ZNF333: variants seen among roughly 807,000 people sequenced by gnomAD.
The protein encoded by ZNF333 is zinc finger protein 333.
Under a neutral mutation model 76.1 loss-of-function variants are expected in ZNF333, and 61 were observed. The observed-to-expected ratio is 0.80, with a 90% CI of 0.65 to 0.99. The LOEUF (loss-of-function observed/expected upper bound fraction) is 0.99. Among genes scored for constraint, ZNF333 ranks in the 50% least tolerant of loss-of-function variants. The probability of loss-of-function intolerance (pLI) is 0.00; values close to 1 mark genes in which losing one functional copy is unlikely to be tolerated. For synonymous variants in ZNF333, 284 were observed against 305.0 expected (o/e 0.93, Z 0.72); for missense variants, 717 against 822.4 (o/e 0.87, Z 1.57).
intron 7 of ZNF333, among the ~76,000 whole-genome samples, chr19:14,711,817 A>G (rs1256240589): frequency 6.6e-6 from 1 of 152,166 alleles, no homozygotes; most frequent in Non-Finnish European, 1.5e-5. Flanking sequence ...CAAAGCTTCC[A>G]ATCCAGTGAG....
rs377177875 is a variant in ZNF333 at position 14,719,618 on chromosome 19, C to T, written c.*293C>T. 168 of 1,139,238 alleles carry T rather than the reference C, an allele frequency of 1.5e-4. No individual in the cohort carries two copies. The African/African-American group carries it at 2.4e-3, about 16-fold the overall frequency. The allele number at this position is 1,139,238 out of a possible 1,614,324, so 70.6% of individuals were successfully genotyped here. On this transcript the variant is annotated 3_prime_UTR_variant, in exon 12 of 12. Coordinates refer to ENST00000292530, the MANE Select transcript of ZNF333 (RefSeq NM_032433.4). ...GATGCATACATGCATGTAACCACCA[C>T]CCCATTCCAGATATAGAATGTTTCT...
chr19:14,698,575 C>T (rs1208763904), intron 4 of ZNF333, among the ~76,000 whole-genome samples: 1 of 151,026 alleles, frequency 6.6e-6, no homozygotes, highest in African/African-American at 2.4e-5. Context: ...ACATGTGGCT[C>T]ATGCCTGTAA....
At chr19:14,696,648 T>A (rs1426565430) in intron 4 of ZNF333, among the ~76,000 whole-genome samples, 1 of 151,400 alleles carries the variant, frequency 6.6e-6, no homozygotes, top group South Asian at 2.1e-4. Flanking sequence ...AGGCCCAGAC[T>A]GGTTTTTACA....
intron 6 of ZNF333, chr19:14,706,284 C>T (rs1028170224): frequency 4.9e-6 from 2 of 405,096 alleles, no homozygotes; most frequent in African/African-American, 2.1e-5. Flanking sequence ...CCACATCCTA[C>T]TCCAAGGAGA....
intron 11 of ZNF333, among the ~76,000 whole-genome samples, chr19:14,729,360 C>CT (rs59225167): frequency 0.024 from 3,550 of 146,848 alleles, 136 homozygotes; most frequent in African/African-American, 0.08. Context: ...AAACGATACA[C>CT]TTTTTTTTTT....
intron 5 of ZNF333, among the ~76,000 whole-genome samples, chr19:14,703,350 C>A (rs910292980): frequency 1.1e-4 from 16 of 152,078 alleles, no homozygotes; most frequent in African/African-American, 3.9e-4. Flanking sequence ...AACTACAATT[C>A]AAGATGAGAT....
At position 14,719,499 on chromosome 19, in the gene ZNF333, TTTCAAAACTAATATGTG is replaced by T; in HGVS notation, c.*175_*191del. 9.1e-7 allele frequency: 1 copy of T among 1,101,354 alleles called. No individual in the cohort carries two copies. The highest frequency in any genetic ancestry group is 2.7e-5 in the East Asian group (1 of 37,422). The allele number at this position is 1,101,354 out of a possible 1,614,324, so 68.2% of individuals were successfully genotyped here. A position where few individuals can be genotyped will look rare whatever the true frequency, so the allele number is the denominator to read the frequency against. On this transcript the variant is annotated 3_prime_UTR_variant, in exon 12 of 12. Coordinates refer to ENST00000292530, the MANE Select transcript of ZNF333 (RefSeq NM_032433.4). ...CCCATCTATTATTTGGAATTAGATT[TTTCAAAACTAATATGTG>T]GATATATTTTCATAGAGGTATAATG...
intron 5 of ZNF333, among the ~76,000 whole-genome samples, chr19:14,701,285 G>A (rs1168889541): frequency 2.6e-5 from 4 of 152,138 alleles, no homozygotes; most frequent in African/African-American, 9.7e-5. Context: ...CACCTAGGCA[G>A]GAGTGCACTG....
rs1461818895 is a variant in ZNF333, at chr19:14,719,776, T to C, written c.*451T>C. ...ACTGAGTCATAGGTATTTGCTGAGA[T>C]TTGCTATTAGGTCTGGTGTGGCTTA... On this transcript the variant is annotated 3_prime_UTR_variant, in exon 12 of 12. Transcript: ENST00000292530. The C allele has an allele frequency of 2.2e-5, 22 of 989,230 alleles. No individual in the cohort carries two copies. The highest frequency in any genetic ancestry group is 2.5e-5 in the Non-Finnish European group (21 of 832,670). 61.3% of individuals were successfully genotyped at this position (989,230 alleles called of 1,614,324 possible). A position where few individuals can be genotyped will look rare whatever the true frequency, so the allele number is the denominator to read the frequency against.
intron 11 of ZNF333, among the ~76,000 whole-genome samples, chr19:14,729,835 C>T (rs1234542379): frequency 6.6e-6 from 1 of 152,116 alleles, no homozygotes; most frequent in Admixed American, 6.5e-5. Flanking sequence ...TCTGGTTATT[C>T]CCCAATGTAT....
chr19:14,729,360 CTT>C (rs59225167), intron 11 of ZNF333, among the ~76,000 whole-genome samples: 3 of 146,916 alleles, frequency 2.0e-5, no homozygotes, highest in Non-Finnish European at 4.5e-5. Flanking sequence ...AAACGATACA[CTT>C]TTTTTTTTTG....
At chr19:14,716,912 C>T in intron 9 of ZNF333, 82 bp from the exon 10 acceptor site, 2 of 1,280,700 alleles carry the variant, frequency 1.6e-6, no homozygotes, top group Non-Finnish European at 2.2e-6. Context: ...TCTCTAGAGC[C>T]CCTAAAGACT....
Position 14,695,106 on chromosome 19 carries a change from G to T in ZNF333, c.100G>T (p.Asp34Tyr). 6.2e-7 allele frequency: 1 copy of T among 1,614,032 alleles called. No individual in the cohort carries two copies. Among genetic ancestry groups the T allele is most frequent in the South Asian group, 1.1e-5 (1 of 91,070 alleles). The change falls in exon 3 of 12, where the codon GAC becomes TAC. Residue 34 changes from aspartate to tyrosine, a missense_variant. Coordinates refer to ENST00000292530, the MANE Select transcript of ZNF333 (RefSeq NM_032433.4). The stretch of plus-strand genomic sequence containing the variant: ...GAGCCTGTGCAAATACAGGATGCTT[G>T]ACCAGTGCAGGACCCTGGCCTCCAG... ...RRSLCKYRML[D>Y]QCRTLASRGT... is the part of the protein sequence containing the mutation.
Position 14,719,192 on chromosome 19 carries a change from A to G in ZNF333, c.1865A>G (p.Gln622Arg). Reference sequence around the variant, plus strand: ...GCCGGGAGACCCTATCAATGTAATCAGTGTGAGAAAGCCTTCAGGCACAGC... The same window carrying G: ...GCCGGGAGACCCTATCAATGTAATCGGTGTGAGAAAGCCTTCAGGCACAGC... The part of the protein sequence containing the change: ...HSAGRPYQCN[Q>R]CEKAFRHSSS... The change falls in exon 12 of 12, where the codon CAG (glutamine) becomes CGG (arginine). Residue 622 changes from glutamine (Q) to arginine (R), a missense_variant. Physicochemically the swap from Gln to Arg is conservative, Grantham distance 43. Transcript: ENST00000292530. 2.5e-6 allele frequency: 4 copies of G among 1,614,244 alleles called. No individual in the cohort carries two copies. The highest frequency in any genetic ancestry group is 3.4e-6 in the Non-Finnish European group (4 of 1,180,046).
Position 14,716,179 on chromosome 19 carries a change from C to T in ZNF333, c.668C>T (p.Thr223Ile). 2 of 1,614,142 alleles carry T rather than the reference C, an allele frequency of 1.2e-6. No homozygotes were observed. Among genetic ancestry groups the T allele is most frequent in the East Asian group, 2.2e-5 (1 of 44,886 alleles). Residue 223 changes from threonine (T) to isoleucine (I), a missense_variant, in exon 9 of 12, where the codon ACT becomes ATT. By Grantham distance (89) the Thr-to-Ile change is moderately conservative (BLOSUM62 -1). Coordinates refer to ENST00000292530, the MANE Select transcript of ZNF333 (RefSeq NM_032433.4). ...GAAGAATGGGTGTTTCTGGACTCTA[C>T]TCAGAGGAGCCTGTATAGAGATGTG... ...TPEEWVFLDSTQRSLYRDVML... is the reference protein window; with the variant it reads ...TPEEWVFLDSIQRSLYRDVML...
At chr19:14,717,177 C>T (rs1261649562) in intron 10 of ZNF333, 88 bp downstream of exon 10, 1 of 1,079,432 alleles carries the variant, frequency 9.3e-7, no homozygotes, top group Admixed American at 2.5e-5. Flanking sequence ...GCAACCTATT[C>T]ATACCTTTGA....
rs1326598656 is a variant in ZNF333, at chr19:14,694,990, G to A, written c.4-20G>A. 1.9e-6 allele frequency: 3 copies of A among 1,614,148 alleles called. No individual in the cohort carries two copies. In the South Asian group the frequency reaches 3.3e-5, roughly 18 times the overall value. ...GGTGGGGGTGGTATTTGCCGAGCCAGAATGTGTGTGCTGTTTTAGGAATCC... is the reference window on the plus strand; with the variant it reads ...GGTGGGGGTGGTATTTGCCGAGCCAAAATGTGTGTGCTGTTTTAGGAATCC... On this transcript the variant is annotated intron_variant, in intron 2 of 11. Coordinates refer to ENST00000292530, the MANE Select transcript of ZNF333 (RefSeq NM_032433.4).
intron 11 of ZNF333, 49 bp downstream of exon 11, chr19:14,717,782 T>G (rs2042477905): frequency 8.3e-6 from 13 of 1,570,582 alleles, no homozygotes; most frequent in Non-Finnish European, 1.1e-5. Context: ...AGGATGAGTC[T>G]GGGGTTAACC....
intron 9 of ZNF333, 146 bp downstream of exon 9, chr19:14,716,384 G>T: frequency 1.1e-6 from 1 of 888,596 alleles, no homozygotes. Context: ...CCAGCCTCCC[G>T]AGTAGCTGGG....
Sources: gnomAD v4.1 joint callset for allele counts (sites outside exome capture counted in the v4.1 genomes callset) on GRCh38, gnomAD v4.1.1 for gene constraint, MANE v1.5 for transcripts, NCBI Gene and HGNC (gene_info 2026-07-23, HGNC 2026-07-21) for gene names.